Variants in TLN2 observed in about 807,000 individuals in gnomAD.
TLN2 encodes the protein talin 2.
Under a neutral mutation model 294.7 loss-of-function variants are expected in TLN2, and 118 were observed. That is an observed-to-expected ratio of 0.40 (90% CI 0.34 to 0.47). TLN2 has a LOEUF of 0.47. Among genes scored for constraint, TLN2 ranks in the 20% least tolerant of loss-of-function variants. TLN2 has a pLI of 0.84. For synonymous variants in TLN2, 1,431 were observed against 1,304.5 expected, an observed-to-expected ratio of 1.10 and a Z score of -2.09; for missense variants, 3,083 against 3,282.2, an observed-to-expected ratio of 0.94 and a Z score of 1.48.
intron 1 of TLN2, among the ~76,000 whole-genome samples, chr15:62,526,463 A>G (rs2040746541): frequency 6.6e-6 from 1 of 152,112 alleles, no homozygotes; most frequent in Non-Finnish European, 1.5e-5. Context: ...GCGTCGCTGG[A>G]ACTTCGCTTC....
chr15:62,490,355 G>T (rs917028659), intron 1 of TLN2, among the ~76,000 whole-genome samples: 5 of 152,090 alleles, frequency 3.3e-5, no homozygotes, highest in Non-Finnish European at 7.4e-5. Context: ...ACTTATGGGG[G>T]TTATCTCTAT....
At chr15:62,479,651 T>G (rs958836493) in intron 1 of TLN2, among the ~76,000 whole-genome samples, 1 of 152,172 alleles carries the variant, frequency 6.6e-6, no homozygotes, top group Non-Finnish European at 1.5e-5. Flanking sequence ...CACATCTGGC[T>G]AATTTTGTAT....
chr15:62,708,499 C>T lies in TLN2; in HGVS notation c.2173-3C>T, dbSNP rs1458858667. 1 of 1,611,470 alleles carries T rather than the reference C, an allele frequency of 6.2e-7. No homozygotes were observed. Among genetic ancestry groups the T allele is most frequent in the East Asian group, 2.2e-5 (1 of 44,802 alleles). On this transcript the variant is annotated splice_polypyrimidine_tract_variant and splice_region_variant and intron_variant, in intron 20 of 58. Coordinates refer to ENST00000636159, the MANE Select transcript of TLN2 (RefSeq NM_015059.3). ...CCCAAAACCTGTTCCTGTCTCACTT[C>T]AGGTTGTGAGCCCCACTATTAGCTC...
intron 9 of TLN2, chr15:62,658,152 C>T (rs1054705330): frequency 1.3e-5 from 3 of 226,726 alleles, no homozygotes. Flanking sequence ...CCTTCTACTT[C>T]GTCTTAGTGA....
intron 57 of TLN2, 119 bp from the exon 58 acceptor site, chr15:62,838,737 A>ATGTT (rs2070149417): frequency 1.5e-6 from 2 of 1,348,832 alleles, no homozygotes; most frequent in African/African-American, 2.9e-5. Context: ...ACAGAACTTG[A>ATGTT]TGTTATAATT....
At chr15:62,704,575 A>G (rs1003880075) in intron 19 of TLN2, among the ~76,000 whole-genome samples, 4 of 152,186 alleles carry the variant, frequency 2.6e-5, no homozygotes, top group South Asian at 2.1e-4. Context: ...GCACTGGGCT[A>G]TGGGACTCAT....
intron 47 of TLN2, among the ~76,000 whole-genome samples, chr15:62,796,755 C>T (rs991399434): frequency 2.0e-5 from 3 of 152,200 alleles, no homozygotes; most frequent in African/African-American, 7.2e-5. Flanking sequence ...ACCTTTCTTC[C>T]CCTCTGCAAT....
In TLN2 at chr15:62,653,338, G is replaced by A. The variant is rs573732355; in HGVS notation, c.517+24G>A. The A allele has an allele frequency of 2.5e-6, 4 of 1,599,794 alleles. No homozygotes were observed. In the Admixed American group the frequency reaches 5.2e-5, roughly 21 times the overall value. On this transcript the variant is annotated intron_variant, in intron 7 of 58. Coordinates refer to ENST00000636159, the MANE Select transcript of TLN2 (RefSeq NM_015059.3). ...CCGTAAGTGTTTGCAGAGGAAGCAT[G>A]ATACAGACACACAGGCTTTGCTAAG...
chr15:62,679,121 A>G (rs1465724473), intron 11 of TLN2, among the ~76,000 whole-genome samples: 3 of 151,984 alleles, frequency 2.0e-5, no homozygotes, highest in Non-Finnish European at 4.4e-5. Context: ...GTCTGATAAT[A>G]ACAAGTGTTG....
At chr15:62,459,855 G>A (rs2036693974) in intron 1 of TLN2, among the ~76,000 whole-genome samples, 1 of 152,064 alleles carries the variant, frequency 6.6e-6, no homozygotes. Context: ...TAGCCAAAGC[G>A]ATTGCTTTGT....
In TLN2 at chr15:62,675,446, C is replaced by T. The variant is rs1479454911; in HGVS notation, c.957+125C>T. On this transcript the variant is annotated intron_variant, in intron 11 of 58. Coordinates refer to ENST00000636159, the MANE Select transcript of TLN2 (RefSeq NM_015059.3). The stretch of plus-strand genomic sequence containing the variant: ...TAGCATTTGCGGGTGGAACATCTGG[C>T]TAGTGCTGACCTGCGTTTAGCTGCC... The T allele has an allele frequency of 5.4e-6, 5 of 920,948 alleles. No homozygotes were observed. The East Asian group carries it at 7.9e-5, about 14-fold the overall frequency. 57.0% of individuals were successfully genotyped at this position (920,948 alleles called of 1,614,324 possible).
intron 1 of TLN2, among the ~76,000 whole-genome samples, chr15:62,429,693 C>T (rs926003794): frequency 2.0e-5 from 3 of 152,252 alleles, no homozygotes; most frequent in East Asian, 1.9e-4. Context: ...GTCAAGGTGC[C>T]TGGGGTGGTT....
intron 1 of TLN2, among the ~76,000 whole-genome samples, chr15:62,550,896 C>T (rs926362714): frequency 6.6e-6 from 1 of 152,132 alleles, no homozygotes; most frequent in Admixed American, 6.5e-5. Context: ...AGCACATTAT[C>T]TTTATTGTGT....
intron 28 of TLN2, among the ~76,000 whole-genome samples, chr15:62,727,957 T>C (rs2060526187): frequency 6.6e-6 from 1 of 152,172 alleles, no homozygotes; most frequent in East Asian, 1.9e-4. Flanking sequence ...TTGACTTCTT[T>C]TTGAAATATG....
intron 11 of TLN2, among the ~76,000 whole-genome samples, chr15:62,686,292 T>C (rs2057281217): frequency 6.6e-6 from 1 of 152,236 alleles, no homozygotes; most frequent in Admixed American, 6.5e-5. Context: ...CTCACTGAGT[T>C]GGCCACTGGG....
At chr15:62,432,883 G>A (rs1011326940) in intron 1 of TLN2, among the ~76,000 whole-genome samples, 1 of 152,142 alleles carries the variant, frequency 6.6e-6, no homozygotes, top group African/African-American at 2.4e-5. Flanking sequence ...GCAGGGGAGA[G>A]AGAAGTGTCT....
At chr15:62,465,116 T>G (rs1361684600) in intron 1 of TLN2, among the ~76,000 whole-genome samples, 1 of 143,244 alleles carries the variant, frequency 7.0e-6, no homozygotes, top group Non-Finnish European at 1.6e-5. Flanking sequence ...TTTTTTTTTT[T>G]TTTTTTTTTT....
At chr15:62,408,423 T>A (rs1362618975) in intron 1 of TLN2, among the ~76,000 whole-genome samples, 4 of 152,192 alleles carry the variant, frequency 2.6e-5, no homozygotes, top group Non-Finnish European at 5.9e-5. Flanking sequence ...CCCAAAATTC[T>A]GAGCTGCTGG....
Position 62,712,033 on chromosome 15 carries a change from A to G in TLN2, c.2590A>G (p.Lys864Glu). The G allele has an allele frequency of 1.9e-6, 3 of 1,614,242 alleles. No homozygotes were observed. The highest frequency in any genetic ancestry group is 1.1e-5 in the South Asian group (1 of 91,086). ...ENSKKLLAAA[K>E]LLADSTARMV... Reference sequence around the variant, plus strand: ...TTCAAAGAAGCTCCTGGCAGCAGCAAAACTCTTAGCTGACTCCACTGCTCG... The same window carrying G: ...TTCAAAGAAGCTCCTGGCAGCAGCAGAACTCTTAGCTGACTCCACTGCTCG... Residue 864 changes from lysine (K) to glutamate (E), a missense_variant, in exon 22 of 59, where the codon AAA becomes GAA. By Grantham distance (56) the Lys-to-Glu change is moderately conservative. Coordinates refer to ENST00000636159, the MANE Select transcript of TLN2 (RefSeq NM_015059.3).
Sources: allele counts gnomAD v4.1 joint callset (sites outside exome capture counted in the v4.1 genomes callset), GRCh38; gene constraint gnomAD v4.1.1; transcripts MANE v1.5; gene names NCBI Gene and HGNC (gene_info 2026-07-23, HGNC 2026-07-21).